The following BMAL2 variants were observed in gnomAD, a reference collection of about 807,000 sequenced individuals.
BMAL2 encodes the protein basic helix-loop-helix ARNT-like protein 2.
chr12:27,420,019 G>GCGCGCACACACACACACACA, the BMAL2 span, among the ~76,000 whole-genome samples: 2 of 147,478 alleles, frequency 1.4e-5, no homozygotes, highest in African/African-American at 5.0e-5. Flanking sequence ...GTTTGCGCGT[G>GCGCGCACACACACACACACA]CACACACACA....
the BMAL2 span, among the ~76,000 whole-genome samples, chr12:27,396,242 G>A: frequency 5.1e-3 from 770 of 152,280 alleles, 10 homozygotes; most frequent in African/African-American, 0.017. Flanking sequence ...CTCATGCAGT[G>A]CTTGGCTTCT....
chr12:27,338,494 G>A, the BMAL2 span, among the ~76,000 whole-genome samples: 1 of 151,992 alleles, frequency 6.6e-6, no homozygotes. Flanking sequence ...GTTTGGGAGG[G>A]GGTCTTCCAG....
the BMAL2 span, among the ~76,000 whole-genome samples, chr12:27,347,375 A>G: frequency 6.6e-6 from 1 of 152,206 alleles, no homozygotes; most frequent in South Asian, 2.1e-4. Flanking sequence ...GAGGCATTCA[A>G]AGCCTTTGAT....
At chr12:27,358,954 T>G in the BMAL2 span, among the ~76,000 whole-genome samples, 1 of 142,176 alleles carries the variant, frequency 7.0e-6, no homozygotes, top group Admixed American at 6.7e-5. Context: ...AATTAATACT[T>G]AATTTCTATC....
At chr12:27,382,249 G>A in the BMAL2 span, among the ~76,000 whole-genome samples, 4 of 152,286 alleles carry the variant, frequency 2.6e-5, no homozygotes, top group East Asian at 7.7e-4. Flanking sequence ...CATTAGCAGT[G>A]TCCTAAGGGA....
At chr12:27,347,012 A>G in the BMAL2 span, among the ~76,000 whole-genome samples, 1 of 152,122 alleles carries the variant, frequency 6.6e-6, no homozygotes, top group Non-Finnish European at 1.5e-5. Flanking sequence ...GCTCCCCTTT[A>G]CCTTCCACCT....
At chr12:27,362,254 A>G in the BMAL2 span, among the ~76,000 whole-genome samples, 1 of 152,128 alleles carries the variant, frequency 6.6e-6, no homozygotes, top group African/African-American at 2.4e-5. Context: ...GTCATTCAAA[A>G]TCCATTAGAA....
the BMAL2 span, among the ~76,000 whole-genome samples, chr12:27,413,980 T>C: frequency 1.3e-5 from 2 of 151,928 alleles, no homozygotes; most frequent in African/African-American, 4.8e-5. Context: ...TGTAGTGCAC[T>C]GTTACCATAC....
chr12:27,344,352 T>C, the BMAL2 span, among the ~76,000 whole-genome samples: 62 of 152,356 alleles, frequency 4.1e-4, no homozygotes, highest in Non-Finnish European at 7.9e-4. Flanking sequence ...ATCTGAGGTC[T>C]TTCACCTAAT....
the BMAL2 span, among the ~76,000 whole-genome samples, chr12:27,340,088 G>T: frequency 6.6e-6 from 1 of 152,158 alleles, no homozygotes; most frequent in Non-Finnish European, 1.5e-5. Flanking sequence ...TTGCTGTGTA[G>T]AAGCTCTTTG....
the BMAL2 span, among the ~76,000 whole-genome samples, chr12:27,345,536 T>C: frequency 6.6e-6 from 1 of 152,196 alleles, no homozygotes; most frequent in Non-Finnish European, 1.5e-5. Context: ...TTGCCCAGGC[T>C]GGAGTACAAT....
chr12:27,359,408 GC>G, the BMAL2 span, among the ~76,000 whole-genome samples: 1 of 152,188 alleles, frequency 6.6e-6, no homozygotes, highest in Non-Finnish European at 1.5e-5. Context: ...TTACTGTGGG[GC>G]TGGGCATGGT....
At chr12:27,368,258 A>G in the BMAL2 span, 20 of 1,613,958 alleles carry the variant, frequency 1.2e-5, no homozygotes, top group Admixed American at 2.5e-4. Flanking sequence ...TCTGCTGCCC[A>G]TAGGTAAAGT....
the BMAL2 span, chr12:27,400,797 G>A: frequency 4.5e-6 from 7 of 1,567,178 alleles, no homozygotes; most frequent in East Asian, 1.6e-4. Context: ...ATGTTATAAT[G>A]ATTAGAATTC....
At chr12:27,422,128 C>G in the BMAL2 span, 3 of 152,138 alleles carry the variant, frequency 2.0e-5, no homozygotes, top group Non-Finnish European at 4.4e-5. Context: ...TACTGCATGT[C>G]TACCTTCTCG....
the BMAL2 span, chr12:27,422,134 T>C: frequency 6.6e-6 from 1 of 152,308 alleles, no homozygotes; most frequent in South Asian, 2.1e-4. Flanking sequence ...ATGTCTACCT[T>C]CTCGGGGATC....
chr12:27,415,837 A>G, the BMAL2 span: 1 of 1,466,696 alleles, frequency 6.8e-7, no homozygotes, highest in Non-Finnish European at 9.5e-7. Context: ...AATATGTAAA[A>G]TTAAAAATGT....
the BMAL2 span, among the ~76,000 whole-genome samples, chr12:27,404,277 A>G: frequency 3.3e-5 from 5 of 150,896 alleles, no homozygotes; most frequent in Non-Finnish European, 7.4e-5. Flanking sequence ...GAAATTTATG[A>G]AAAATAATAG....
At chr12:27,366,678 A>G in the BMAL2 span, among the ~76,000 whole-genome samples, 1 of 152,376 alleles carries the variant, frequency 6.6e-6, no homozygotes, top group South Asian at 2.1e-4. Flanking sequence ...AAATATTGAT[A>G]TCTCTTGACC....
Sources: gnomAD v4.1 joint callset for allele counts (sites outside exome capture counted in the v4.1 genomes callset) on GRCh38, gnomAD v4.1.1 for gene constraint, MANE v1.5 for transcripts, NCBI Gene and HGNC (gene_info 2026-07-23, HGNC 2026-07-21) for gene names.